The following TENM2 variants were observed in gnomAD, a reference collection of about 807,000 sequenced individuals.
The protein encoded by TENM2 is teneurin transmembrane protein 2.
Under a neutral mutation model 245.2 loss-of-function variants are expected in TENM2, and 52 were observed. The ratio of observed to expected loss-of-function variants is 0.21; its 90% confidence interval spans 0.17 to 0.27. The LOEUF is 0.27. Ranked by LOEUF, TENM2 falls within the 10% of genes least tolerant of loss-of-function variation. The pLI, the probability that TENM2 is intolerant of heterozygous loss-of-function variation, is 1.00. For synonymous variants in TENM2, 1,363 were observed against 1,438.9 expected, an observed-to-expected ratio of 0.95 and a Z score of 1.19; for missense variants, 3,046 against 3,666.8, an observed-to-expected ratio of 0.83 and a Z score of 4.37.
chr5:167,668,027 T>C (rs1755686284), intron 2 of TENM2, among the ~76,000 whole-genome samples: 1 of 152,180 alleles, frequency 6.6e-6, no homozygotes, highest in Non-Finnish European at 1.5e-5. Context: ...CAGGAGAAAG[T>C]CTTTCATTGG....
intron 4 of TENM2, among the ~76,000 whole-genome samples, chr5:167,988,155 T>G (rs566572504): frequency 6.6e-6 from 1 of 152,300 alleles, no homozygotes; most frequent in African/African-American, 2.4e-5. Context: ...ATATGCAAAC[T>G]TGTAAATCTG....
At chr5:167,781,346 A>G (rs371773914) in intron 2 of TENM2, among the ~76,000 whole-genome samples, 1 of 152,224 alleles carries the variant, frequency 6.6e-6, no homozygotes, top group East Asian at 1.9e-4. Flanking sequence ...GTGATGCAAA[A>G]TTTCCAAATA....
chr5:167,692,592 T>C (rs149652430), intron 2 of TENM2, among the ~76,000 whole-genome samples: 13 of 152,272 alleles, frequency 8.5e-5, no homozygotes, highest in Non-Finnish European at 1.9e-4. Context: ...ATTAAATATA[T>C]ATGCATGACT....
chr5:168,034,148 TGTGTATATATATATGTATATATATAC>T lies in TENM2; in HGVS notation c.1187-13278_1187-13253del, dbSNP rs1414300209. On this transcript the variant is annotated intron_variant, in intron 5 of 28. Transcript: ENST00000518659. ...ATATATATATATGTATACATATATA[TGTGTATATATATATGTATATATATAC>T]ACACACACACACACAAAAATTAATC... Among the ~76,000 whole-genome samples the T allele has an allele frequency of 2.3e-3, 236 of 104,138 alleles. 2 individuals carry two copies. The highest frequency in any genetic ancestry group is 5.0e-3 in the South Asian group (18 of 3,580). 68.3% of individuals were successfully genotyped at this position (104,138 alleles called of 152,430 possible).
chr5:167,754,028 GC>G (rs145832527), intron 2 of TENM2, among the ~76,000 whole-genome samples: 6,618 of 152,152 alleles, frequency 0.043, 202 homozygotes, highest in Middle Eastern at 0.085. Context: ...TACTTTGTCT[GC>G]CATATTGATA....
chr5:167,315,973 A>T (rs917919659), intron 1 of TENM2, among the ~76,000 whole-genome samples: 3 of 152,174 alleles, frequency 2.0e-5, no homozygotes, highest in Admixed American at 6.5e-5. Flanking sequence ...GCCTGGAACA[A>T]GTCTGTTAGC....
chr5:167,595,057 T>C (rs1435023979), intron 2 of TENM2, among the ~76,000 whole-genome samples: 1 of 152,214 alleles, frequency 6.6e-6, no homozygotes, highest in Non-Finnish European at 1.5e-5. Flanking sequence ...CAGCCCTTTC[T>C]GGGTTCTTCA....
intron 2 of TENM2, among the ~76,000 whole-genome samples, chr5:167,852,864 G>T (rs189089774): frequency 6.6e-6 from 1 of 152,264 alleles, no homozygotes. Context: ...AGCTGAATTT[G>T]TTACCCACAA....
chr5:167,679,172 T>C (rs1756535268), intron 2 of TENM2, among the ~76,000 whole-genome samples: 1 of 152,164 alleles, frequency 6.6e-6, no homozygotes, highest in Admixed American at 6.6e-5. Flanking sequence ...ACTTTCTGAC[T>C]TCTCTATAAC....
rs140539602 is a variant in TENM2 at position 167,783,464 on chromosome 5, C to T, written c.503-92522C>T. Among the ~76,000 whole-genome samples the T allele has an allele frequency of 3.8e-3, 572 of 152,206 alleles. 3 individuals carry two copies. The highest frequency in any genetic ancestry group is 6.8e-3 in the Non-Finnish European group (462 of 68,004). On this transcript the variant is annotated intron_variant, in intron 2 of 28. Coordinates refer to ENST00000518659, the Ensembl canonical transcript of TENM2. Reference sequence around the variant, plus strand: ...ATTTCAGAAGGAAGGGTTTCTGAACCCCAGTTTAACAAGCCCTCTACAGCA... The same window carrying T: ...ATTTCAGAAGGAAGGGTTTCTGAACTCCAGTTTAACAAGCCCTCTACAGCA...
intron 3 of TENM2, among the ~76,000 whole-genome samples, chr5:167,946,550 A>C (rs1779640135): frequency 1.3e-5 from 2 of 152,226 alleles, no homozygotes; most frequent in African/African-American, 4.8e-5. Context: ...TCTGCCATTT[A>C]AGCAAATGTG....
chr5:167,509,347 G>A (rs190174059), intron 2 of TENM2, among the ~76,000 whole-genome samples: 1 of 152,282 alleles, frequency 6.6e-6, no homozygotes, highest in Admixed American at 6.5e-5. Context: ...CCTCACATGG[G>A]AGATTTATTT....
the TENM2 span, among the ~76,000 whole-genome samples, chr5:167,089,503 T>A: frequency 6.6e-6 from 1 of 152,154 alleles, no homozygotes; most frequent in Non-Finnish European, 1.5e-5. Flanking sequence ...CAAAAGAGAT[T>A]AGGGGCTCTT....
At chr5:167,143,094 A>G in the TENM2 span, among the ~76,000 whole-genome samples, 1 of 152,164 alleles carries the variant, frequency 6.6e-6, no homozygotes, top group African/African-American at 2.4e-5. Flanking sequence ...GTGTCCTTGT[A>G]AATGTTGTTA....
At chr5:167,054,757 A>G in the TENM2 span, among the ~76,000 whole-genome samples, 1 of 152,068 alleles carries the variant, frequency 6.6e-6, no homozygotes, top group Non-Finnish European at 1.5e-5. Context: ...CATTGTTTTA[A>G]TTTGCAATTT....
At chr5:168,140,130 G>C (rs2152397141) in intron 12 of TENM2, among the ~76,000 whole-genome samples, 1 of 152,276 alleles carries the variant, frequency 6.6e-6, no homozygotes, top group East Asian at 1.9e-4. Flanking sequence ...ACTGGTTTAA[G>C]CTGGTGGGAG....
chr5:167,379,917 A>C (rs1760993971), intron 2 of TENM2, among the ~76,000 whole-genome samples: 2 of 137,620 alleles, frequency 1.5e-5, no homozygotes, highest in Admixed American at 7.2e-5. Context: ...ACAAAACAAA[A>C]TTTAAAAACA....
chr5:167,782,313 CAAAA>C (rs767675565), intron 2 of TENM2, among the ~76,000 whole-genome samples: 9,760 of 58,308 alleles, frequency 0.17, 507 homozygotes, highest in East Asian at 0.47. Context: ...AACTCTGTCT[CAAAA>C]AAAAAAAAAA....
the TENM2 span, among the ~76,000 whole-genome samples, chr5:167,232,683 C>A: frequency 6.6e-6 from 1 of 152,176 alleles, no homozygotes; most frequent in African/African-American, 2.4e-5. Flanking sequence ...AACCTCTTTT[C>A]TTTATAAATT....
Sources: allele counts gnomAD v4.1 joint callset (sites outside exome capture counted in the v4.1 genomes callset), GRCh38; gene constraint gnomAD v4.1.1; transcripts MANE v1.5; gene names NCBI Gene and HGNC (gene_info 2026-07-23, HGNC 2026-07-21).